DAB1: variants seen among roughly 807,000 people sequenced by gnomAD.
DAB1 encodes the protein disabled homolog 1.
A neutral mutation model predicts 64.6 loss-of-function variants in DAB1; 15 were observed. The observed-to-expected ratio is 0.23, with a 90% CI of 0.16 to 0.36. The LOEUF is 0.36. Ranked by LOEUF, DAB1 falls within the 10% of genes least tolerant of loss-of-function variation. The pLI is 1.00. For synonymous variants in DAB1, 235 were observed against 251.9 expected (o/e 0.93, Z 0.64); for missense variants, 596 against 706.7 (o/e 0.84, Z 1.78).
intron 4 of DAB1, among the ~76,000 whole-genome samples, chr1:58,176,484 G>A (rs1656483957): frequency 6.6e-6 from 1 of 152,158 alleles, no homozygotes; most frequent in Admixed American, 6.5e-5. Context: ...TGAGTAATGT[G>A]TAATGAACGG....
intron 6 of DAB1, among the ~76,000 whole-genome samples, chr1:57,789,162 C>T (rs1010809407): frequency 6.6e-6 from 1 of 152,104 alleles, no homozygotes; most frequent in Non-Finnish European, 1.5e-5. Context: ...AGAAAAGGTG[C>T]CAGGAAGATC....
chr1:57,566,321 G>C (rs937314246), intron 7 of DAB1, among the ~76,000 whole-genome samples: 4 of 152,098 alleles, frequency 2.6e-5, no homozygotes, highest in South Asian at 4.1e-4. Flanking sequence ...AAAGAGAAAG[G>C]AGGAAAGATC....
intron 4 of DAB1, among the ~76,000 whole-genome samples, chr1:58,160,676 T>C (rs1030301897): frequency 2.0e-5 from 3 of 152,028 alleles, no homozygotes; most frequent in Non-Finnish European, 4.4e-5. Flanking sequence ...ACCAATAGGC[T>C]ACAAAAAAAA....
At chr1:57,429,917 A>G (rs1685435567) in intron 7 of DAB1, among the ~76,000 whole-genome samples, 1 of 152,180 alleles carries the variant, frequency 6.6e-6, no homozygotes. Flanking sequence ...GAAATCAGGT[A>G]GTATGATGCC....
intron 1 of DAB1, among the ~76,000 whole-genome samples, chr1:57,827,271 A>G (rs1652391383): frequency 6.6e-6 from 1 of 152,236 alleles, no homozygotes; most frequent in African/African-American, 2.4e-5. Context: ...CCATTGTTAA[A>G]GGGATCCTGT....
chr1:57,591,922 A>C (rs888527012), intron 7 of DAB1, among the ~76,000 whole-genome samples: 4 of 152,196 alleles, frequency 2.6e-5, no homozygotes, highest in Non-Finnish European at 5.9e-5. Flanking sequence ...AAGTTATTTC[A>C]TCTAATACCT....
intron 4 of DAB1, among the ~76,000 whole-genome samples, chr1:57,121,281 T>G (rs1656637740): frequency 6.6e-6 from 1 of 151,768 alleles, no homozygotes; most frequent in Non-Finnish European, 1.5e-5. Flanking sequence ...AAGAACATAT[T>G]TGCTATCCAA....
intron 6 of DAB1, among the ~76,000 whole-genome samples, chr1:57,759,533 T>G (rs943950589): frequency 1.3e-5 from 2 of 152,236 alleles, no homozygotes; most frequent in African/African-American, 4.8e-5. Context: ...TAGTTTTATC[T>G]ACAAAATAGA....
intron 4 of DAB1, among the ~76,000 whole-genome samples, chr1:58,229,819 A>C (rs1221171725): frequency 6.6e-6 from 1 of 152,222 alleles, no homozygotes; most frequent in Non-Finnish European, 1.5e-5. Flanking sequence ...TACGACTAAA[A>C]ATTCACAACA....
chr1:58,189,029 C>T (rs2100223857), intron 4 of DAB1, among the ~76,000 whole-genome samples: 1 of 152,268 alleles, frequency 6.6e-6, no homozygotes, highest in South Asian at 2.1e-4. Flanking sequence ...TGTTTTTTTA[C>T]ATGTCCATAG....
chr1:57,033,317 A>T, intron 9 of DAB1: 1 of 1,509,104 alleles, frequency 6.6e-7, no homozygotes, highest in Non-Finnish European at 9.2e-7. Flanking sequence ...TGCAAGCTGG[A>T]TGAAGAGAAT....
rs527994179 is a variant in DAB1, at chr1:58,483,162, C to T, written n.257+22898G>A. Among the ~76,000 whole-genome samples, 12 of 152,296 alleles carry T rather than the reference C, an allele frequency of 7.9e-5. No homozygotes were observed. In the East Asian group the frequency reaches 1.9e-3, roughly 25 times the overall value. ...GTAGCTCTTGCCACTAGCCTGCCAT[C>T]TGCCCCCTCTCCCAGCCCTAGCTTA... On this transcript the variant is annotated intron_variant and non_coding_transcript_variant, in intron 3 of 20. Transcript: ENST00000485760.
At chr1:57,053,131 T>C (rs1570599701) in intron 9 of DAB1, among the ~76,000 whole-genome samples, 1 of 152,200 alleles carries the variant, frequency 6.6e-6, no homozygotes, top group South Asian at 2.1e-4. Flanking sequence ...CAGATAAGGA[T>C]AATGAATCTC....
At chr1:57,422,548 G>A (rs116467467) in intron 1 of DAB1, among the ~76,000 whole-genome samples, 1,647 of 152,172 alleles carry the variant, frequency 0.011, 39 homozygotes, top group African/African-American at 0.037. Flanking sequence ...CATACACACC[G>A]GAGCGCACAG....
intron 7 of DAB1, among the ~76,000 whole-genome samples, chr1:57,485,915 C>T (rs997143177): frequency 1.2e-4 from 18 of 152,268 alleles, no homozygotes; most frequent in African/African-American, 3.4e-4. Flanking sequence ...AGATATAAGG[C>T]GGCCGTTCAC....
At chr1:57,674,124 G>T (rs1257977831) in intron 6 of DAB1, among the ~76,000 whole-genome samples, 1 of 152,172 alleles carries the variant, frequency 6.6e-6, no homozygotes, top group Admixed American at 6.5e-5. Flanking sequence ...TTATGTGTGT[G>T]TTGGGGGTGG....
intron 2 of DAB1, among the ~76,000 whole-genome samples, chr1:58,519,933 A>C (rs542804263): frequency 1.3e-5 from 2 of 152,116 alleles, no homozygotes; most frequent in Middle Eastern, 3.4e-3. Flanking sequence ...GCTAAAAATA[A>C]GATTAATGAA....
In DAB1 at chr1:57,697,225, A is replaced by G. The variant is rs1271367478; in HGVS notation, n.552-47560T>C. Among the ~76,000 whole-genome samples the G allele has an allele frequency of 2.0e-5, 3 of 152,148 alleles. No individual in the cohort carries two copies. The East Asian group carries it at 5.8e-4, about 29-fold the overall frequency. On this transcript the variant is annotated intron_variant and non_coding_transcript_variant, in intron 6 of 20. Coordinates refer to the DAB1 transcript ENST00000485760. ...GAAGATCTGTCAGATGAATGAATGAATGAATGAATAAATGAGTTGATCAAT... is the reference window on the plus strand; with the variant it reads ...GAAGATCTGTCAGATGAATGAATGAGTGAATGAATAAATGAGTTGATCAAT...
intron 5 of DAB1, among the ~76,000 whole-genome samples, chr1:58,141,381 C>G (rs564218789): frequency 6.6e-6 from 1 of 152,084 alleles, no homozygotes; most frequent in South Asian, 2.1e-4. Context: ...TATTCACTAT[C>G]ACGAGAACAG....
Sources: allele counts gnomAD v4.1 joint callset (sites outside exome capture counted in the v4.1 genomes callset), GRCh38; gene constraint gnomAD v4.1.1; transcripts MANE v1.5; gene names NCBI Gene and HGNC (gene_info 2026-07-23, HGNC 2026-07-21).